The following GLE1 variants were observed in gnomAD, a reference collection of about 807,000 sequenced individuals.
The protein encoded by GLE1 is mRNA export factor GLE1.
Under a neutral mutation model 97.3 loss-of-function variants are expected in GLE1, and 78 were observed. The observed-to-expected ratio is 0.80, with a 90% CI of 0.67 to 0.97. The LOEUF is 0.97. Among genes scored for constraint, GLE1 ranks in the 50% least tolerant of loss-of-function variants. The pLI is 0.00. For synonymous variants in GLE1, 302 were observed against 313.4 expected, an observed-to-expected ratio of 0.96 and a Z score of 0.39; for missense variants, 753 against 857.5, an observed-to-expected ratio of 0.88 and a Z score of 1.52.
At chr9:128,506,873 C>T (rs1417058515) in intron 1 of GLE1, among the ~76,000 whole-genome samples, 1 of 152,192 alleles carries the variant, frequency 6.6e-6, no homozygotes, top group East Asian at 1.9e-4. Context: ...TGTTACCTAG[C>T]AGTGAGAAGT....
intron 9 of GLE1, among the ~76,000 whole-genome samples, chr9:128,529,875 C>G (rs1000634471): frequency 4.6e-5 from 7 of 152,018 alleles, no homozygotes; most frequent in Admixed American, 2.6e-4. Context: ...CTCCCGGGTT[C>G]ACGCCATTCT....
intron 1 of GLE1, among the ~76,000 whole-genome samples, chr9:128,505,380 C>A (rs1846611833): frequency 6.6e-6 from 1 of 152,112 alleles, no homozygotes; most frequent in African/African-American, 2.4e-5. Context: ...AAGCTCTGCG[C>A]GAGAAGTGGA....
intron 3 of GLE1, among the ~76,000 whole-genome samples, chr9:128,519,913 G>A (rs1402093029): frequency 6.6e-6 from 1 of 152,032 alleles, no homozygotes; most frequent in Non-Finnish European, 1.5e-5. Flanking sequence ...TTTCAAGCTG[G>A]CCAATGCTTA....
chr9:128,511,219 A>G (rs956031179), intron 2 of GLE1, among the ~76,000 whole-genome samples: 3 of 150,296 alleles, frequency 2.0e-5, no homozygotes, highest in African/African-American at 4.9e-5. Context: ...ATATGTATAT[A>G]TAGAGACTGA....
At chr9:128,509,649 C>T (rs967580407) in intron 2 of GLE1, among the ~76,000 whole-genome samples, 8 of 129,150 alleles carry the variant, frequency 6.2e-5, no homozygotes, top group African/African-American at 1.0e-4. Flanking sequence ...CACTCCTAAA[C>T]GCAAAAAAAA....
chr9:128,506,679 G>T (rs1237388896), intron 1 of GLE1, among the ~76,000 whole-genome samples: 1 of 152,162 alleles, frequency 6.6e-6, no homozygotes, highest in Non-Finnish European at 1.5e-5. Flanking sequence ...GGCCTTCTCA[G>T]TAGACAGAGC....
At chr9:128,534,011 A>G in intron 11 of GLE1, 60 bp downstream of exon 11, 1 of 1,140,844 alleles carries the variant, frequency 8.8e-7, no homozygotes, top group Non-Finnish European at 1.3e-6. Flanking sequence ...TATAAATAGA[A>G]TTGGAATTTG....
chr9:128,513,035 A>G (rs1846870740), intron 2 of GLE1, among the ~76,000 whole-genome samples: 1 of 152,086 alleles, frequency 6.6e-6, no homozygotes, highest in South Asian at 2.1e-4. Flanking sequence ...TATGTAATGG[A>G]TTGTCACATT....
chr9:128,532,201 C>A (rs1847535486), intron 9 of GLE1, among the ~76,000 whole-genome samples: 3 of 133,978 alleles, frequency 2.2e-5, no homozygotes, highest in East Asian at 2.4e-4. Flanking sequence ...TAATTCAGAT[C>A]TGCTTTGCTT....
intron 15 of GLE1, 122 bp from the exon 16 acceptor site, chr9:128,540,980 C>T: frequency 4.0e-6 from 3 of 743,124 alleles, no homozygotes; most frequent in Admixed American, 1.9e-5. Flanking sequence ...TGGCTTTTTC[C>T]TTTTTGTTCA....
Position 128,542,039 on chromosome 9 carries a change from GC to G in GLE1, c.*871del, listed in dbSNP as rs1212857924. 2 of 152,192 alleles carry G rather than the reference GC, an allele frequency of 1.3e-5. No homozygotes were observed. The highest frequency in any genetic ancestry group is 4.8e-5 in the African/African-American group (2 of 41,458). 9.4% of individuals were successfully genotyped at this position (152,192 alleles called of 1,614,324 possible). On this transcript the variant is annotated 3_prime_UTR_variant, in exon 16 of 16. Transcript: ENST00000309971. ...ACACTGCTAATATGATGATAAATAT[GC>G]CTGACTAAAGCCACTACAGAAATCC...
intron 2 of GLE1, among the ~76,000 whole-genome samples, chr9:128,514,614 C>T: frequency 6.6e-6 from 1 of 151,998 alleles, no homozygotes; most frequent in East Asian, 1.9e-4. Context: ...AGGCACGTGC[C>T]ACCATGCCCG....
At chr9:128,509,335 ATT>A (rs527681085) in intron 2 of GLE1, among the ~76,000 whole-genome samples, 1 of 143,464 alleles carries the variant, frequency 7.0e-6, no homozygotes. Context: ...GAGCAATTGG[ATT>A]TTTTTTTTTT....
Position 128,538,103 on chromosome 9 carries a change from G to T in GLE1, c.1881+13G>T. On this transcript the variant is annotated intron_variant, in intron 13 of 15. Transcript: ENST00000309971. Reference sequence around the variant, plus strand: ...TGACTTCCTGGAGGTACGTAACTCAGTTATCACACAAGAGAAGGCCAGTGG... The same window carrying T: ...TGACTTCCTGGAGGTACGTAACTCATTTATCACACAAGAGAAGGCCAGTGG... 1 of 1,413,962 alleles carries T rather than the reference G, an allele frequency of 7.1e-7. No homozygotes were observed. Among genetic ancestry groups the T allele is most frequent in the African/African-American group, 1.4e-5 (1 of 71,188 alleles). The allele number at this position is 1,413,962 out of a possible 1,614,324, so 87.6% of individuals were successfully genotyped here.
rs763304692 is a variant in GLE1 at position 128,540,360 on chromosome 9, A to G, written c.2028+22A>G. On this transcript the variant is annotated intron_variant, in intron 15 of 15. Coordinates refer to ENST00000309971, the MANE Select transcript of GLE1 (RefSeq NM_001003722.2). ...GGAGGTAAGATGCCCTTAGACCAAC[A>G]TGCCCCACACTGTTGTTGGGCTGGA... 4.0e-6 allele frequency: 6 copies of G among 1,513,246 alleles called. No homozygotes were observed. The African/African-American group carries it at 4.1e-5, about 10-fold the overall frequency. 93.7% of individuals were successfully genotyped at this position (1,513,246 alleles called of 1,614,324 possible). A position where few individuals can be genotyped will look rare whatever the true frequency, so the allele number is the denominator to read the frequency against.
Position 128,515,522 on chromosome 9 carries a change from C to T in GLE1, c.322-7C>T, listed in dbSNP as rs763162057. 15 of 1,471,922 alleles carry T rather than the reference C, an allele frequency of 1.0e-5. No individual in the cohort carries two copies. Among genetic ancestry groups the T allele is most frequent in the Non-Finnish European group, 1.3e-5 (14 of 1,050,450 alleles). The allele number at this position is 1,471,922 out of a possible 1,614,324, so 91.2% of individuals were successfully genotyped here. ...TTTAATTATTTTTCCATTTTCTGCT[C>T]ATATAGGGCAAAGATGAGTCCCAGC... is the stretch of plus-strand genomic sequence containing the variant. On this transcript the variant is annotated splice_polypyrimidine_tract_variant and splice_region_variant and intron_variant, in intron 2 of 15. Transcript: ENST00000309971.
intron 5 of GLE1, 66 bp downstream of exon 5, chr9:128,523,406 G>A: frequency 6.8e-7 from 1 of 1,477,040 alleles, no homozygotes; most frequent in Non-Finnish European, 9.5e-7. Flanking sequence ...GGAGAGCCAG[G>A]TTTTGGCAGA....
chr9:128,536,388 G>A lies in GLE1; in HGVS notation c.1680G>A (p.Val560=), dbSNP rs2132523339. The A allele has an allele frequency of 6.2e-7, 1 of 1,613,954 alleles. No individual in the cohort carries two copies. The highest frequency in any genetic ancestry group is 8.5e-7 in the Non-Finnish European group (1 of 1,179,894). The change falls in exon 12 of 16, where the codon GTG becomes GTA. Residue 560 remains valine (V), a synonymous_variant. Coordinates refer to ENST00000309971, the MANE Select transcript of GLE1 (RefSeq NM_001003722.2). ...MLGYQVKDSK[V]EQQDNFLKRM... is the part of the protein sequence containing the mutation. ...GTTACCAAGTAAAGGATTCCAAAGT[G>A]GAGCAGCAAGACAACTTTCTAAAAC...
intron 2 of GLE1, among the ~76,000 whole-genome samples, chr9:128,514,148 G>A (rs1846908692): frequency 6.6e-6 from 1 of 151,708 alleles, no homozygotes; most frequent in Admixed American, 6.6e-5. Flanking sequence ...GACCAGCCTG[G>A]GCAACATGAC....
Sources: gnomAD v4.1 joint callset for allele counts (sites outside exome capture counted in the v4.1 genomes callset) on GRCh38, gnomAD v4.1.1 for gene constraint, MANE v1.5 for transcripts, NCBI Gene and HGNC (gene_info 2026-07-23, HGNC 2026-07-21) for gene names.